Variants in SLC4A4 observed in about 807,000 individuals in gnomAD.
SLC4A4 encodes the protein solute carrier family 4 member 4.
In SLC4A4, 27 loss-of-function variants were observed where a neutral mutation model predicts 111.5. The ratio of observed to expected loss-of-function variants is 0.24; its 90% CI spans 0.18 to 0.33. The LOEUF is 0.33. Ranked by LOEUF, SLC4A4 falls within the 10% of genes least tolerant of loss-of-function variation. SLC4A4 has a pLI of 1.00. For synonymous variants in SLC4A4, 443 were observed against 463.4 expected (o/e 0.96, Z 0.57); for missense variants, 909 against 1,315.5 (o/e 0.69, Z 4.78).
At chr4:71,273,371 CAGA>C (rs1315775708) in intron 3 of SLC4A4, among the ~76,000 whole-genome samples, 5 of 152,114 alleles carry the variant, frequency 3.3e-5, no homozygotes, top group African/African-American at 9.7e-5. Context: ...GGCAGGAATT[CAGA>C]AGAAGCATAA....
chr4:71,409,693 A>T (rs1721187768), intron 7 of SLC4A4, among the ~76,000 whole-genome samples: 1 of 152,242 alleles, frequency 6.6e-6, no homozygotes, highest in South Asian at 2.1e-4. Context: ...AGCCAGCTGC[A>T]GAACTTTGCA....
Position 71,478,326 on chromosome 4 carries a change from A to G in SLC4A4, c.1903+5356A>G, listed in dbSNP as rs533345565. 4.6e-5 allele frequency among the ~76,000 whole-genome samples: 7 copies of G among 151,970 alleles called. No individual in the cohort carries two copies. The South Asian group carries it at 1.2e-3, about 27-fold the overall frequency. On this transcript the variant is annotated intron_variant, in intron 14 of 25. Coordinates refer to ENST00000264485, the MANE Select transcript of SLC4A4 (RefSeq NM_001098484.3). ...ATGCATAAGTGTCTTTATTGCAGCA[A>G]TATTCACAATAGCAAAGACTTGGAA...
At chr4:71,176,140 G>A (rs552777329) in intron 2 of SLC4A4, among the ~76,000 whole-genome samples, 3 of 152,210 alleles carry the variant, frequency 2.0e-5, no homozygotes, top group Admixed American at 6.5e-5. Flanking sequence ...GAAGGAAAAC[G>A]AACAAACAGA....
At chr4:71,259,808 G>A (rs563966430) in intron 3 of SLC4A4, among the ~76,000 whole-genome samples, 2 of 152,294 alleles carry the variant, frequency 1.3e-5, no homozygotes, top group East Asian at 3.9e-4. Flanking sequence ...ACTTATGGGG[G>A]CATCACAGGC....
At chr4:71,206,336 A>G (rs1044626240) in intron 1 of SLC4A4, among the ~76,000 whole-genome samples, 4 of 152,196 alleles carry the variant, frequency 2.6e-5, no homozygotes, top group African/African-American at 9.6e-5. Flanking sequence ...ATCTCATGAA[A>G]CTATAGCCAC....
At chr4:71,472,329 A>G (rs183890242) in intron 13 of SLC4A4, among the ~76,000 whole-genome samples, 206 of 152,058 alleles carry the variant, frequency 1.4e-3, no homozygotes, top group Non-Finnish European at 2.7e-3. Context: ...TTATGAACCC[A>G]TAAAACTCAT....
At chr4:71,263,486 T>C (rs138605960) in intron 3 of SLC4A4, among the ~76,000 whole-genome samples, 2 of 152,328 alleles carry the variant, frequency 1.3e-5, no homozygotes, top group African/African-American at 4.8e-5. Flanking sequence ...ATTTGTTGAG[T>C]GGATAGGTAA....
chr4:71,177,227 C>T (rs568938913), intron 2 of SLC4A4, among the ~76,000 whole-genome samples: 20 of 152,166 alleles, frequency 1.3e-4, no homozygotes, highest in African/African-American at 4.6e-4. Context: ...CAAAAACATG[C>T]CAAATTGTAA....
At chr4:71,410,957 C>T (rs1422840622) in intron 7 of SLC4A4, among the ~76,000 whole-genome samples, 1 of 152,044 alleles carries the variant, frequency 6.6e-6, no homozygotes, top group Non-Finnish European at 1.5e-5. Flanking sequence ...TAAGCTGAGA[C>T]CATAGAAAGC....
chr4:71,139,179 T>TGTGTGTG, intron 2 of SLC4A4, among the ~76,000 whole-genome samples: 1 of 144,544 alleles, frequency 6.9e-6, no homozygotes, highest in Non-Finnish European at 1.5e-5. Context: ...TCCCTTTTCT[T>TGTGTGTG]TGTGTGTGTG....
intron 16 of SLC4A4, among the ~76,000 whole-genome samples, chr4:71,520,846 T>TG (rs34957100): frequency 6.6e-5 from 10 of 151,592 alleles, no homozygotes; most frequent in Non-Finnish European, 1.3e-4. Flanking sequence ...TTCTTTTTTT[T>TG]GGGGGGGTGG....
intron 12 of SLC4A4, among the ~76,000 whole-genome samples, chr4:71,461,209 G>A (rs1047642798): frequency 2.0e-5 from 3 of 152,070 alleles, no homozygotes; most frequent in African/African-American, 7.2e-5. Flanking sequence ...TCTAAAGCCT[G>A]AAACACGACA....
At chr4:71,289,896 C>T (rs1464116061) in intron 3 of SLC4A4, among the ~76,000 whole-genome samples, 2 of 152,124 alleles carry the variant, frequency 1.3e-5, no homozygotes, top group Non-Finnish European at 2.9e-5. Context: ...TAGGAAAATG[C>T]CATCGATTCT....
chr4:71,141,745 C>T (rs1744004185), intron 2 of SLC4A4, among the ~76,000 whole-genome samples: 2 of 152,150 alleles, frequency 1.3e-5, no homozygotes, highest in Non-Finnish European at 2.9e-5. Flanking sequence ...TAGAACAGTG[C>T]CTGGAACATA....
intron 6 of SLC4A4, among the ~76,000 whole-genome samples, chr4:71,374,968 G>A (rs904060813): frequency 3.3e-5 from 5 of 151,988 alleles, no homozygotes; most frequent in African/African-American, 2.4e-5. Flanking sequence ...GAACCTTAGC[G>A]TCAACTTTGA....
intron 18 of SLC4A4, among the ~76,000 whole-genome samples, chr4:71,539,644 T>C (rs1734864850): frequency 6.6e-6 from 1 of 152,174 alleles, no homozygotes; most frequent in Non-Finnish European, 1.5e-5. Context: ...ATGTAATTTA[T>C]ATTTCTCTTG....
At chr4:71,394,944 G>A (rs1227353593) in intron 6 of SLC4A4, among the ~76,000 whole-genome samples, 3 of 152,102 alleles carry the variant, frequency 2.0e-5, no homozygotes, top group Non-Finnish European at 4.4e-5. Flanking sequence ...GAGGGGGTGA[G>A]GGATTAAAGA....
rs557548936 is a variant in SLC4A4 at position 71,483,966 on chromosome 4, A to G, written c.1904-2982A>G. On this transcript the variant is annotated intron_variant, in intron 14 of 25. Transcript: ENST00000264485. ...TTTCATATGATTATTGGCTGCATGT[A>G]TGTCTTCTTTTGCAAAGTGTCTGTT... 1.5e-3 allele frequency among the ~76,000 whole-genome samples: 223 copies of G among 151,538 alleles called. 2 individuals are homozygous for G. The highest frequency in any genetic ancestry group is 2.3e-3 in the Non-Finnish European group (156 of 67,786).
intron 16 of SLC4A4, among the ~76,000 whole-genome samples, chr4:71,498,128 A>C (rs962771483): frequency 2.6e-5 from 4 of 152,148 alleles, no homozygotes; most frequent in Non-Finnish European, 5.9e-5. Flanking sequence ...CTGTGGGAGT[A>C]AACTTAAATT....
Sources: allele counts gnomAD v4.1 joint callset (sites outside exome capture counted in the v4.1 genomes callset), GRCh38; gene constraint gnomAD v4.1.1; transcripts MANE v1.5; gene names NCBI Gene and HGNC (gene_info 2026-07-23, HGNC 2026-07-21).